ZNF544: variants seen among roughly 807,000 people sequenced by gnomAD.
ZNF544 encodes the protein zinc finger protein AF020591.
Under a neutral mutation model 13.5 loss-of-function variants are expected in ZNF544, and 10 were observed. The ratio of observed to expected loss-of-function variants is 0.74; its 90% CI spans 0.46 to 1.25. ZNF544 has a LOEUF of 1.25. ZNF544 is among the 50% of genes most tolerant of loss of function. The pLI is 0.00. For synonymous variants in ZNF544, 323 were observed against 300.5 expected (o/e 1.07, Z -0.77); for missense variants, 896 against 845.6 (o/e 1.06, Z -0.74).
In ZNF544 at chr19:58,261,457, C is replaced by G. The variant is rs774442668; in HGVS notation, c.851C>G (p.Ser284Cys). The G allele has an allele frequency of 1.2e-6, 2 of 1,614,150 alleles. No homozygotes were observed. Among genetic ancestry groups the G allele is most frequent in the Non-Finnish European group, 1.7e-6 (2 of 1,180,036 alleles). The change falls in exon 7 of 7, where the codon TCT becomes TGT. Residue 284 changes from serine to cysteine, a missense_variant. By Grantham distance (112) the Ser-to-Cys change is moderately radical. Coordinates refer to ENST00000687789, the MANE Select transcript of ZNF544 (RefSeq NM_014480.4). ...DYGNLFSHSV[S>C]LNEQKPVHFG... Reference sequence around the variant, plus strand: ...GGAAACCTCTTCAGTCACAGTGTGTCTCTGAATGAACAGAAGCCAGTGCAT... The same window carrying G: ...GGAAACCTCTTCAGTCACAGTGTGTGTCTGAATGAACAGAAGCCAGTGCAT...
chr19:58,232,775 A>G (rs392004), intron 3 of ZNF544, among the ~76,000 whole-genome samples: 1 of 148,076 alleles, frequency 6.8e-6, no homozygotes, highest in Admixed American at 6.7e-5. Context: ...TAAAAAAAAA[A>G]AAAAAAAAAA....
intron 5 of ZNF544, among the ~76,000 whole-genome samples, chr19:58,273,661 G>A (rs1176672211): frequency 6.8e-6 from 1 of 147,898 alleles, no homozygotes; most frequent in Non-Finnish European, 1.5e-5. Context: ...CTGCACTCCA[G>A]CCTGGGCGAC....
At position 58,274,709 on chromosome 19, in the gene ZNF544, A is replaced by G. The variant is rs368769372; in HGVS notation, c.245-1614A>G. Among the ~76,000 whole-genome samples the G allele has an allele frequency of 4.5e-4, 68 of 152,316 alleles. No individual in the cohort carries two copies. The South Asian group carries it at 4.6e-3, about 10-fold the overall frequency. The stretch of plus-strand genomic sequence containing the variant: ...ATTTTCCAAAACAGAAATAGGGAGA[A>G]GAGTGGCATTGTATTATATTTTTTC... On this transcript the variant is annotated intron_variant, in intron 5 of 6. Coordinates refer to the ZNF544 transcript ENST00000595981.
chr19:58,240,647 A>T (rs891093851), intron 3 of ZNF544, among the ~76,000 whole-genome samples: 1 of 152,016 alleles, frequency 6.6e-6, no homozygotes, highest in African/African-American at 2.4e-5. Flanking sequence ...CTGTGATCCC[A>T]GCTACTCAAG....
intron 6 of ZNF544, among the ~76,000 whole-genome samples, chr19:58,250,674 AT>A (rs61357187): frequency 0.2 from 29,804 of 152,024 alleles, 3,558 homozygotes; most frequent in East Asian, 0.56. Flanking sequence ...CTCTGTGTAC[AT>A]TGATATTGGG....
At position 58,262,984 on chromosome 19, in the gene ZNF544, A is replaced by C; in HGVS notation, c.*230A>C. On this transcript the variant is annotated 3_prime_UTR_variant, in exon 7 of 7. Coordinates refer to ENST00000687789, the MANE Select transcript of ZNF544 (RefSeq NM_014480.4). Reference sequence around the variant, plus strand: ...GTAAACACGAGAGGACACACACTGGAGGCAAACCCTATGAATGTGACCATT... The same window carrying C: ...GTAAACACGAGAGGACACACACTGGCGGCAAACCCTATGAATGTGACCATT... The C allele has an allele frequency of 2.2e-6, 3 of 1,349,936 alleles. No homozygotes were observed. Among genetic ancestry groups the C allele is most frequent in the Non-Finnish European group, 2.9e-6 (3 of 1,051,676 alleles). 83.6% of individuals were successfully genotyped at this position (1,349,936 alleles called of 1,614,324 possible). A position where few individuals can be genotyped will look rare whatever the true frequency, so the allele number is the denominator to read the frequency against.
In ZNF544 at chr19:58,261,060, G is replaced by A; in HGVS notation, c.454G>A (p.Ala152Thr). 6.2e-7 allele frequency: 1 copy of A among 1,614,166 alleles called. No individual in the cohort carries two copies. Among genetic ancestry groups the A allele is most frequent in the Non-Finnish European group, 8.5e-7 (1 of 1,180,034 alleles). ...FMVLTSERLFAQREHCELELG... is the reference protein window; with the variant it reads ...FMVLTSERLFTQREHCELELG... Reference sequence around the variant, plus strand: ...GGTACTCACCTCAGAGAGACTGTTTGCTCAAAGGGAACATTGTGAGCTTGA... The same window carrying A: ...GGTACTCACCTCAGAGAGACTGTTTACTCAAAGGGAACATTGTGAGCTTGA... Residue 152 changes from alanine (A) to threonine (T), a missense_variant, in exon 7 of 7, where the codon GCT becomes ACT. Physicochemically the swap from Ala to Thr is moderately conservative, Grantham distance 58. Coordinates refer to ENST00000687789, the MANE Select transcript of ZNF544 (RefSeq NM_014480.4).
intron 3 of ZNF544, among the ~76,000 whole-genome samples, chr19:58,241,183 T>TAATATATATATATATATATATA (rs1254015931): frequency 9.5e-5 from 3 of 31,454 alleles, no homozygotes; most frequent in African/African-American, 3.1e-4. Context: ...ATATATATTT[T>TAATATATATATATATATATATA]TTTTTTTTTG....
Position 58,262,900 on chromosome 19 carries a change from A to C in ZNF544, c.*146A>C. ...TTGAACATCAGAGGACATATCCTGG[A>C]GAAAAGCCCTACGAATGCATTGATT... On this transcript the variant is annotated 3_prime_UTR_variant, in exon 7 of 7. Transcript: ENST00000687789. The C allele has an allele frequency of 6.8e-7, 1 of 1,474,614 alleles. No homozygotes were observed. Among genetic ancestry groups the C allele is most frequent in the African/African-American group, 1.4e-5 (1 of 70,830 alleles). The allele number at this position is 1,474,614 out of a possible 1,614,324, so 91.3% of individuals were successfully genotyped here.
intron 6 of ZNF544, among the ~76,000 whole-genome samples, chr19:58,248,199 A>G (rs1018004810): frequency 3.3e-5 from 5 of 150,950 alleles, no homozygotes; most frequent in Non-Finnish European, 7.4e-5. Flanking sequence ...GGCGTGAGCC[A>G]CTACCCCTTG....
chr19:58,275,154 A>C (rs378452), intron 5 of ZNF544, among the ~76,000 whole-genome samples: 47,282 of 151,866 alleles, frequency 0.31, 8,723 homozygotes, highest in Middle Eastern at 0.46. Context: ...AAAATGAGAA[A>C]TGCAAACAAT....
chr19:58,262,740 G>A lies in ZNF544; in HGVS notation c.2134G>A (p.Gly712Arg), dbSNP rs1335875151. The change falls in exon 7 of 7, where the codon GGA (glycine) becomes AGA (arginine). Residue 712 changes from glycine (G) to arginine (R), a missense_variant. Gly to Arg is a moderately radical substitution (Grantham distance 125). Coordinates refer to ENST00000687789, the MANE Select transcript of ZNF544 (RefSeq NM_014480.4). Reference sequence around the variant, plus strand: ...TGTAGTGCATCGGCGGACACATACTGGAGAGAAACCTTAGGAGTGCAGTCA... The same window carrying A: ...TGTAGTGCATCGGCGGACACATACTAGAGAGAAACCTTAGGAGTGCAGTCA... ...QLVVHRRTHT[G>R]EKP 6.3e-7 allele frequency: 1 copy of A among 1,599,824 alleles called. No homozygotes were observed. Among genetic ancestry groups the A allele is most frequent in the Admixed American group, 1.7e-5 (1 of 59,090 alleles).
intron 3 of ZNF544, among the ~76,000 whole-genome samples, chr19:58,240,273 T>A (rs12976331): frequency 0.3 from 45,524 of 151,160 alleles, 7,433 homozygotes; most frequent in Middle Eastern, 0.45. Flanking sequence ...TTTTTTTTTT[T>A]TGGAGACAGA....
intron 6 of ZNF544, among the ~76,000 whole-genome samples, chr19:58,249,312 T>C (rs1383371165): frequency 2.0e-5 from 3 of 152,108 alleles, no homozygotes; most frequent in Non-Finnish European, 4.4e-5. Flanking sequence ...TGAGGCACAG[T>C]CCCTACGTAC....
intron 4 of ZNF544, 76 bp downstream of exon 4, chr19:58,244,132 T>G: frequency 1.5e-6 from 2 of 1,322,990 alleles, no homozygotes; most frequent in South Asian, 1.3e-5. Flanking sequence ...CACCCGCCCC[T>G]GCAGGCTGTC....
chr19:58,265,595 G>A (rs150092797), downstream of ZNF544, among the ~76,000 whole-genome samples: 466 of 148,688 alleles, frequency 3.1e-3, no homozygotes, highest in African/African-American at 0.011. Context: ...ACACCCGGCC[G>A]CATTTATTTT....
chr19:58,264,886 C>T (rs1457379210), downstream of ZNF544, among the ~76,000 whole-genome samples: 1 of 151,890 alleles, frequency 6.6e-6, no homozygotes, highest in Non-Finnish European at 1.5e-5. Flanking sequence ...CACCTGTAGT[C>T]CCAGCTACTC....
rs773337725 is a variant in ZNF544 at position 58,262,309 on chromosome 19, G to T, written c.1703G>T (p.Arg568Ile). The T allele has an allele frequency of 1.3e-5, 21 of 1,613,716 alleles. No individual in the cohort carries two copies. The highest frequency in any genetic ancestry group is 1.6e-4 in the Middle Eastern group (1 of 6,080). Residue 568 changes from arginine to isoleucine, a missense_variant, in exon 7 of 7, where the codon AGA (arginine) becomes ATA (isoleucine). Transcript: ENST00000687789. ...RWNSNLVIHQ[R>I]IHTGEKPYDC... ...AACTCTAACCTCGTCATACATCAGA[G>T]AATTCATACTGGAGAGAAACCGTAC... is the stretch of plus-strand genomic sequence containing the variant.
rs1434499656 is a variant in ZNF544 at position 58,261,664 on chromosome 19, C to CATCT, written c.1059_1062dup (p.Val355IlefsTer4). ...AACATCATTCAGACTACAGAGAAGCCATCTGTGTGTAATCAGTGTGGAAAA... is the reference window on the plus strand; with the variant it reads ...AACATCATTCAGACTACAGAGAAGCCATCTATCTGTGTGTAATCAGTGTGGAAAA... On this transcript the variant is annotated frameshift_variant, in exon 7 of 7. Coordinates refer to ENST00000687789, the MANE Select transcript of ZNF544 (RefSeq NM_014480.4). LOFTEE classifies it low-confidence loss of function (END_TRUNC). 6.2e-7 allele frequency: 1 copy of CATCT among 1,614,192 alleles called. No homozygotes were observed. The highest frequency in any genetic ancestry group is 1.1e-5 in the South Asian group (1 of 91,088).
Sources: gnomAD v4.1 joint callset for allele counts (sites outside exome capture counted in the v4.1 genomes callset) on GRCh38, gnomAD v4.1.1 for gene constraint, MANE v1.5 for transcripts, NCBI Gene and HGNC (gene_info 2026-07-23, HGNC 2026-07-21) for gene names.